The following ZNF254 variants were observed in gnomAD, a reference collection of about 807,000 sequenced individuals.
ZNF254 encodes zinc finger protein 254.
A neutral mutation model predicts 12.4 loss-of-function variants in ZNF254; 10 were observed. The observed-to-expected ratio is 0.80, with a 90% CI of 0.50 to 1.36. The LOEUF (loss-of-function observed/expected upper bound fraction) is 1.36. ZNF254 is among the 40% of genes most tolerant of loss of function. The pLI is 0.00. For missense variants in ZNF254, 996 were observed against 763.9 expected (o/e 1.30, Z -3.58); for synonymous variants, 305 against 253.4 (o/e 1.20, Z -1.93).
chr19:24,060,233 G>A (rs1971016341), intron 2 of ZNF254, among the ~76,000 whole-genome samples: 1 of 152,324 alleles, frequency 6.6e-6, no homozygotes, highest in Admixed American at 6.5e-5. Context: ...TCACCAAGGT[G>A]ATGTGAATCT....
intron 2 of ZNF254, among the ~76,000 whole-genome samples, chr19:24,055,174 G>T (rs1970793931): frequency 8.9e-6 from 1 of 112,200 alleles, no homozygotes; most frequent in South Asian, 3.3e-4. Context: ...CTGTACTCCA[G>T]CCTGGGTGAT....
At chr19:24,117,155 C>T (rs1331221969) in intron 3 of ZNF254, among the ~76,000 whole-genome samples, 3 of 152,146 alleles carry the variant, frequency 2.0e-5, no homozygotes, top group Non-Finnish European at 4.4e-5. Context: ...GTCCGGGACC[C>T]ACTTGAGGAG....
intron 1 of ZNF254, among the ~76,000 whole-genome samples, chr19:24,101,226 A>C (rs193057255): frequency 2.0e-5 from 3 of 152,224 alleles, no homozygotes; most frequent in Non-Finnish European, 4.4e-5. Flanking sequence ...ATTGTACTCT[A>C]CTTGCTGTAA....
At chr19:24,109,035 G>A (rs1401777681) in intron 3 of ZNF254, among the ~76,000 whole-genome samples, 2 of 152,208 alleles carry the variant, frequency 1.3e-5, no homozygotes, top group African/African-American at 2.4e-5. Flanking sequence ...CGCGCCTGTA[G>A]TCTGAGCTAC....
At chr19:24,066,047 G>C (rs1163462306) in intron 2 of ZNF254, 1 of 151,866 alleles carries the variant, frequency 6.6e-6, no homozygotes, top group African/African-American at 2.4e-5. Context: ...TTTGGGTATT[G>C]TGACATATTG....
At position 24,129,297 on chromosome 19, in the gene ZNF254, T is replaced by C. The variant is rs1338280238; in HGVS notation, c.*1317T>C. 1.3e-5 allele frequency: 2 copies of C among 152,092 alleles called. No homozygotes were observed. The highest frequency in any genetic ancestry group is 2.1e-4 in the South Asian group (1 of 4,832). 9.4% of individuals were successfully genotyped at this position (152,092 alleles called of 1,614,324 possible). On this transcript the variant is annotated 3_prime_UTR_variant, in exon 4 of 4. Transcript: ENST00000357002. ...CAGTCTATTTTTAAATTATAAATTA[T>C]GTGTGAACTTAGCTTTTCAATTCAA...
Position 24,127,877 on chromosome 19 carries a change from G to A in ZNF254, c.1877G>A (p.Gly626Glu), listed in dbSNP as rs1975010717. 6.2e-7 allele frequency: 1 copy of A among 1,613,170 alleles called. No homozygotes were observed. The highest frequency in any genetic ancestry group is 8.5e-7 in the Non-Finnish European group (1 of 1,179,644). ...ACTAAACATAAGAGAATTCATACTG[G>A]AGAGCAACCCTACAAATGGGAAAAA... ...TLTKHKRIHT[G>E]EQPYKWEKFG... Residue 626 changes from glycine (G) to glutamate (E), a missense_variant, in exon 4 of 4, where the codon GGA becomes GAA. Coordinates refer to ENST00000357002, the MANE Select transcript of ZNF254 (RefSeq NM_203282.4).
intron 3 of ZNF254, among the ~76,000 whole-genome samples, chr19:24,110,025 G>A (rs11671000): frequency 0.15 from 22,813 of 151,830 alleles, 1,759 homozygotes; most frequent in Middle Eastern, 0.17. Context: ...CACCGTACCC[G>A]GCCTCTTAAC....
chr19:24,057,603 T>G (rs1174209527), intron 2 of ZNF254, among the ~76,000 whole-genome samples: 3 of 152,240 alleles, frequency 2.0e-5, no homozygotes. Flanking sequence ...CAGTAAAGAT[T>G]GTCCTCTTTT....
Position 24,127,505 on chromosome 19 carries a change from C to A in ZNF254, c.1505C>A (p.Ser502Tyr), listed in dbSNP as rs373995564. The A allele has an allele frequency of 2.0e-5, 32 of 1,613,436 alleles. No individual in the cohort carries two copies. Among genetic ancestry groups the A allele is most frequent in the Middle Eastern group, 1.6e-4 (1 of 6,062 alleles). ...CEECGKSFSQ[S>Y]STLTTHKIIH... ...GAATGTGGCAAATCTTTTAGCCAAT[C>A]CTCAACCCTTACTACACATAAGATA... Residue 502 changes from serine (S) to tyrosine (Y), a missense_variant, in exon 4 of 4, where the codon TCC (serine) becomes TAC (tyrosine). Ser to Tyr is a moderately radical substitution (Grantham distance 144). Coordinates refer to ENST00000357002, the MANE Select transcript of ZNF254 (RefSeq NM_203282.4).
At chr19:24,075,458 G>A (rs1209335094) in intron 2 of ZNF254, among the ~76,000 whole-genome samples, 1 of 152,204 alleles carries the variant, frequency 6.6e-6, no homozygotes, top group Non-Finnish European at 1.5e-5. Flanking sequence ...GACATCACAT[G>A]TCAGCAGGTT....
At chr19:24,045,258 A>G (rs1970335236) in intron 1 of ZNF254, among the ~76,000 whole-genome samples, 1 of 152,118 alleles carries the variant, frequency 6.6e-6, no homozygotes, top group South Asian at 2.1e-4. Flanking sequence ...TGCACCTGGA[A>G]CTGTTCATTT....
chr19:24,085,426 A>ATG (rs369443689), upstream of ZNF254, among the ~76,000 whole-genome samples: 5 of 105,666 alleles, frequency 4.7e-5, 1 homozygote, highest in Non-Finnish European at 9.5e-5. Context: ...ATATATATAT[A>ATG]AAAACTAAGA....
At chr19:24,045,612 G>C (rs557497392) in intron 1 of ZNF254, among the ~76,000 whole-genome samples, 140 of 149,016 alleles carry the variant, frequency 9.4e-4, no homozygotes, top group African/African-American at 3.4e-3. Context: ...AGGTTGCAGT[G>C]AGCTGAGATC....
intron 2 of ZNF254, among the ~76,000 whole-genome samples, chr19:24,050,317 G>A (rs148017230): frequency 1.2e-3 from 186 of 152,006 alleles, no homozygotes; most frequent in Admixed American, 1.9e-3. Flanking sequence ...GTGCCGCCAC[G>A]TCTGGCTGAT....
At chr19:24,106,282 A>G in intron 2 of ZNF254, 4 of 657,190 alleles carry the variant, frequency 6.1e-6, no homozygotes, top group Non-Finnish European at 8.9e-6. Context: ...ATTAAGGCTA[A>G]TTTCAGAAGT....
chr19:24,094,681 G>A (rs956357530), intron 1 of ZNF254, among the ~76,000 whole-genome samples: 25 of 151,382 alleles, frequency 1.7e-4, no homozygotes, highest in African/African-American at 5.6e-4. Flanking sequence ...AGAATGCTTC[G>A]GGTTTTTTTT....
intron 3 of ZNF254, among the ~76,000 whole-genome samples, chr19:24,117,407 C>G (rs1355056910): frequency 6.6e-6 from 1 of 152,158 alleles, no homozygotes; most frequent in Non-Finnish European, 1.5e-5. Flanking sequence ...GGCGGGTGCC[C>G]CTCCCCCAGC....
intron 1 of ZNF254, among the ~76,000 whole-genome samples, chr19:24,039,247 T>C: frequency 6.6e-6 from 1 of 152,084 alleles, no homozygotes; most frequent in East Asian, 1.9e-4. Flanking sequence ...AATTTTGAGA[T>C]TGTGTGAGGA....
Sources: gnomAD v4.1 joint callset for allele counts (sites outside exome capture counted in the v4.1 genomes callset) on GRCh38, gnomAD v4.1.1 for gene constraint, MANE v1.5 for transcripts, NCBI Gene and HGNC (gene_info 2026-07-23, HGNC 2026-07-21) for gene names.